The following BMPR1A variants were observed in gnomAD, a reference collection of about 807,000 sequenced individuals.
BMPR1A encodes bone morphogenetic protein receptor type 1A, also known as bone morphogenetic protein receptor type-1A.
In BMPR1A, 7 loss-of-function variants were observed where a neutral mutation model predicts 66.0. The ratio of observed to expected loss-of-function variants is 0.11; its 90% CI spans 0.06 to 0.20. The LOEUF is 0.20. Ranked by LOEUF, BMPR1A falls within the 10% of genes least tolerant of loss-of-function variation. The pLI is 1.00. For synonymous variants in BMPR1A, 200 were observed against 229.7 expected, an observed-to-expected ratio of 0.87 and a Z score of 1.17; for missense variants, 408 against 669.1, an observed-to-expected ratio of 0.61 and a Z score of 4.31.
chr10:86,856,442 A>G (rs1842643882), intron 2 of BMPR1A, among the ~76,000 whole-genome samples: 1 of 152,194 alleles, frequency 6.6e-6, no homozygotes, highest in Non-Finnish European at 1.5e-5. Flanking sequence ...GAATTCTTTT[A>G]AACTGTCCAT....
At chr10:86,790,235 A>ATC (rs1841595562) in intron 1 of BMPR1A, among the ~76,000 whole-genome samples, 1 of 87,766 alleles carries the variant, frequency 1.1e-5, no homozygotes, top group Non-Finnish European at 2.4e-5. Context: ...ATATATATAT[A>ATC]TCAAAACCAC....
At chr10:86,770,135 A>G (rs1268716468) in intron 1 of BMPR1A, among the ~76,000 whole-genome samples, 1 of 152,206 alleles carries the variant, frequency 6.6e-6, no homozygotes, top group South Asian at 2.1e-4. Context: ...TACAAAAAGT[A>G]TAAAAATTAG....
At chr10:86,834,120 T>TA (rs1451976142) in intron 1 of BMPR1A, among the ~76,000 whole-genome samples, 1 of 152,214 alleles carries the variant, frequency 6.6e-6, no homozygotes, top group Non-Finnish European at 1.5e-5. Flanking sequence ...CTAGCAAACT[T>TA]ACTTTCTTGT....
chr10:86,866,347 T>C (rs1339582955), intron 2 of BMPR1A, among the ~76,000 whole-genome samples: 4 of 149,588 alleles, frequency 2.7e-5, no homozygotes, highest in Non-Finnish European at 5.9e-5. Context: ...TTGGGCTTTG[T>C]CAGCAGCAAA....
intron 1 of BMPR1A, among the ~76,000 whole-genome samples, chr10:86,779,449 C>T (rs1841402606): frequency 6.6e-6 from 1 of 152,172 alleles, no homozygotes; most frequent in Admixed American, 6.5e-5. Context: ...CCCATTTGCC[C>T]ATTTTTAATT....
At chr10:86,817,464 T>C (rs919838603) in intron 1 of BMPR1A, among the ~76,000 whole-genome samples, 1 of 152,244 alleles carries the variant, frequency 6.6e-6, no homozygotes, top group African/African-American at 2.4e-5. Context: ...TGTATGCATA[T>C]ACCACATTTT....
chr10:86,885,239 C>T (rs1044569877), intron 3 of BMPR1A, among the ~76,000 whole-genome samples: 5 of 152,124 alleles, frequency 3.3e-5, no homozygotes, highest in African/African-American at 1.2e-4. Context: ...GAAGAAAAAT[C>T]AAGGGAATAT....
At chr10:86,818,218 CA>C (rs1271782906) in intron 1 of BMPR1A, among the ~76,000 whole-genome samples, 2 of 152,128 alleles carry the variant, frequency 1.3e-5, no homozygotes, top group African/African-American at 4.8e-5. Flanking sequence ...AGGGTTTCCC[CA>C]TGTTGGCCAA....
At chr10:86,900,565 A>G (rs1843295265) in intron 7 of BMPR1A, among the ~76,000 whole-genome samples, 5 of 152,214 alleles carry the variant, frequency 3.3e-5, no homozygotes, top group Admixed American at 2.0e-4. Flanking sequence ...CTTTAATAAT[A>G]AAACATCATA....
chr10:86,763,836 G>A (rs1233357457), intron 1 of BMPR1A, among the ~76,000 whole-genome samples: 1 of 136,054 alleles, frequency 7.4e-6, no homozygotes, highest in Non-Finnish European at 1.5e-5. Context: ...CTGTCGCCCA[G>A]GCTGGAGTGC....
rs55932635 is a variant in BMPR1A at position 86,923,381 on chromosome 10, G to A, written c.1348G>A (p.Val450Met). The A allele has an allele frequency of 3.1e-5, 50 of 1,613,946 alleles. No individual in the cohort carries two copies. In the Middle Eastern group the frequency reaches 1.2e-3, roughly 37 times the overall value. The change falls in exon 12 of 13, where the codon GTG becomes ATG. Residue 450 changes from valine to methionine, a missense_variant. By Grantham distance (21) the Val-to-Met change is conservative. Around this residue, in one of 5 missense-constraint regions of BMPR1A, gnomAD observed 130 missense variants for 257.3 expected, o/e 0.51. Coordinates refer to ENST00000372037, the MANE Select transcript of BMPR1A (RefSeq NM_004329.3). Reference protein sequence around the residue: ...MARRCITGGIVEEYQLPYYNM... With the variant: ...MARRCITGGIMEEYQLPYYNM... ...GTTTTCTCATTCCCTTATAGGGATC[G>A]TGGAAGAATACCAATTGCCATATTA...
At chr10:86,765,121 C>T (rs969038502) in intron 1 of BMPR1A, among the ~76,000 whole-genome samples, 2 of 152,062 alleles carry the variant, frequency 1.3e-5, no homozygotes, top group African/African-American at 2.4e-5. Context: ...TAAAATTACA[C>T]GTCATATTGG....
intron 10 of BMPR1A, among the ~76,000 whole-genome samples, chr10:86,920,373 ATT>A (rs1409257803): frequency 6.6e-6 from 1 of 152,232 alleles, no homozygotes; most frequent in East Asian, 1.9e-4. Flanking sequence ...TAGTGTCAGT[ATT>A]TTAAAACAAA....
chr10:86,925,230 CTTCT>C lies in BMPR1A; in HGVS notation c.*1514_*1517del, dbSNP rs1843723646. 4.4e-6 allele frequency: 1 copy of C among 227,596 alleles called. No individual in the cohort carries two copies. The highest frequency in any genetic ancestry group is 8.7e-6 in the Non-Finnish European group (1 of 114,874). The allele number at this position is 227,596 out of a possible 1,614,324, so 14.1% of individuals were successfully genotyped here. The stretch of plus-strand genomic sequence containing the variant: ...GAAATCTGATTTACATAAACTTATA[CTTCT>C]TTAATGCTTTTTAAATATTTATTCT... On this transcript the variant is annotated 3_prime_UTR_variant, in exon 13 of 13. Transcript: ENST00000372037.
At chr10:86,848,888 C>T (rs1475715630) in intron 2 of BMPR1A, among the ~76,000 whole-genome samples, 2 of 152,162 alleles carry the variant, frequency 1.3e-5, no homozygotes, top group Non-Finnish European at 2.9e-5. Context: ...TAAATTTTAT[C>T]AGCCCCCCCT....
chr10:86,791,360 G>C (rs984893342), intron 1 of BMPR1A, among the ~76,000 whole-genome samples: 3 of 151,918 alleles, frequency 2.0e-5, no homozygotes, highest in African/African-American at 7.2e-5. Context: ...CTACAGGCAC[G>C]TGCCACCATG....
Position 86,890,199 on chromosome 10 carries a change from G to C in BMPR1A, c.205G>C (p.Asp69His), listed in dbSNP as rs1177143902. 6.2e-7 allele frequency: 1 copy of C among 1,614,138 alleles called. No individual in the cohort carries two copies. Among genetic ancestry groups the C allele is most frequent in the Non-Finnish European group, 8.5e-7 (1 of 1,180,008 alleles). ...LKCYCSGHCP[D>H]DAINNTCITN... is the part of the protein sequence containing the mutation. ...GTGCTATTGCTCAGGGCACTGTCCAGATGATGCTATTAATAACACATGCAT... is the reference window on the plus strand; with the variant it reads ...GTGCTATTGCTCAGGGCACTGTCCACATGATGCTATTAATAACACATGCAT... Residue 69 changes from aspartate to histidine, a missense_variant, in exon 4 of 13, where the codon GAT becomes CAT. Asp to His is a moderately conservative substitution (Grantham distance 81, BLOSUM62 -1). This residue lies in a region of BMPR1A where 68 missense variants were observed against 83.0 expected (regional missense o/e 0.82). Coordinates refer to ENST00000372037, the MANE Select transcript of BMPR1A (RefSeq NM_004329.3).
At chr10:86,815,034 C>T (rs760557360) in intron 1 of BMPR1A, among the ~76,000 whole-genome samples, 18 of 152,302 alleles carry the variant, frequency 1.2e-4, no homozygotes, top group African/African-American at 3.4e-4. Flanking sequence ...TCTGCCGCCT[C>T]GGCCTCCCAA....
chr10:86,892,942 A>G (rs1314764909), intron 5 of BMPR1A, among the ~76,000 whole-genome samples: 1 of 151,998 alleles, frequency 6.6e-6, no homozygotes, highest in Admixed American at 6.6e-5. Context: ...TTTCAATGAG[A>G]AAAAGTTTCT....
Sources: gnomAD v4.1 joint callset for allele counts (sites outside exome capture counted in the v4.1 genomes callset) on GRCh38, gnomAD v4.1.1 for gene constraint, gnomAD v4.1.1 regional missense constraint, MANE v1.5 for transcripts, NCBI Gene and HGNC (gene_info 2026-07-23, HGNC 2026-07-21) for gene names.